ENPP6: variants seen among roughly 807,000 people sequenced by gnomAD.
ENPP6 encodes glycerophosphocholine cholinephosphodiesterase ENPP6.
ENPP6 carries 32 observed loss-of-function variants against 42.0 expected under a neutral mutation model. The ratio of observed to expected loss-of-function variants is 0.76; its 90% CI spans 0.58 to 1.02. The LOEUF (loss-of-function observed/expected upper bound fraction) is 1.02. Among genes scored for constraint, ENPP6 ranks in the 50% least tolerant of loss-of-function variants. ENPP6 has a pLI of 0.00. For synonymous variants in ENPP6, 213 were observed against 216.0 expected, an observed-to-expected ratio of 0.99 and a Z score of 0.12; for missense variants, 552 against 566.8, an observed-to-expected ratio of 0.97 and a Z score of 0.27.
intron 1 of ENPP6, among the ~76,000 whole-genome samples, chr4:184,206,359 G>A (rs907229899): frequency 1.9e-5 from 2 of 106,186 alleles, no homozygotes; most frequent in African/African-American, 3.8e-5. Context: ...CCGGGTTCCC[G>A]CCATTCTCCT....
chr4:184,165,892 T>A (rs1737340989), intron 1 of ENPP6, among the ~76,000 whole-genome samples: 1 of 152,220 alleles, frequency 6.6e-6, no homozygotes, highest in African/African-American at 2.4e-5. Flanking sequence ...AGTCAGATAT[T>A]CCCACTAGTA....
At chr4:184,113,776 G>T (rs1014867141) in intron 5 of ENPP6, among the ~76,000 whole-genome samples, 27 of 152,050 alleles carry the variant, frequency 1.8e-4, no homozygotes, top group African/African-American at 6.3e-4. Context: ...TACATACTTT[G>T]TACATCTGCC....
intron 3 of ENPP6, among the ~76,000 whole-genome samples, chr4:184,120,026 G>T (rs1239227478): frequency 6.6e-6 from 1 of 152,164 alleles, no homozygotes; most frequent in Non-Finnish European, 1.5e-5. Context: ...GGGTAACATG[G>T]TGTATTAAAC....
chr4:184,165,166 C>T (rs911381750), intron 1 of ENPP6, among the ~76,000 whole-genome samples: 2 of 152,144 alleles, frequency 1.3e-5, no homozygotes, highest in Admixed American at 6.5e-5. Context: ...AGGCAGAAAT[C>T]GATTTTCTGG....
At chr4:184,101,339 T>A (rs1293886387) in intron 6 of ENPP6, among the ~76,000 whole-genome samples, 2 of 122,054 alleles carry the variant, frequency 1.6e-5, no homozygotes, top group East Asian at 4.1e-4. Context: ...TGTGTGTGTG[T>A]GTGTGTGTGT....
chr4:184,144,564 A>G (rs1251499613), intron 2 of ENPP6, among the ~76,000 whole-genome samples: 1 of 152,180 alleles, frequency 6.6e-6, no homozygotes, highest in African/African-American at 2.4e-5. Flanking sequence ...AGGAGTCTGG[A>G]GCAGCCAAGG....
intron 2 of ENPP6, among the ~76,000 whole-genome samples, chr4:184,148,584 T>C (rs1489141525): frequency 6.6e-6 from 1 of 152,238 alleles, no homozygotes; most frequent in Non-Finnish European, 1.5e-5. Context: ...ACTCTTGAGA[T>C]GTGAATTTGC....
intron 3 of ENPP6, among the ~76,000 whole-genome samples, chr4:184,120,540 T>C (rs534394426): frequency 1.3e-5 from 2 of 152,332 alleles, no homozygotes; most frequent in East Asian, 1.9e-4. Context: ...ACCAACCCCA[T>C]GAGCCATTCA....
At chr4:184,117,699 A>G in intron 4 of ENPP6, 60 bp downstream of exon 4, 6 of 1,596,516 alleles carry the variant, frequency 3.8e-6, no homozygotes, top group Non-Finnish European at 5.1e-6. Context: ...GTGACTGTGG[A>G]GGAGACAAAC....
chr4:184,190,470 C>G (rs962893319), intron 1 of ENPP6, among the ~76,000 whole-genome samples: 1 of 152,146 alleles, frequency 6.6e-6, no homozygotes, highest in African/African-American at 2.4e-5. Flanking sequence ...TTCATCTGCT[C>G]TAAGACTAAA....
chr4:184,130,586 T>C (rs1736587600), intron 2 of ENPP6, among the ~76,000 whole-genome samples: 1 of 145,620 alleles, frequency 6.9e-6, no homozygotes, highest in Admixed American at 6.8e-5. Context: ...AAAAAAGAGC[T>C]TGGGTTTTAA....
intron 1 of ENPP6, among the ~76,000 whole-genome samples, chr4:184,157,529 T>TTCTC (rs1235838782): frequency 8.6e-5 from 13 of 151,098 alleles, no homozygotes; most frequent in African/African-American, 3.2e-4. Context: ...TTTTCTTTCT[T>TTCTC]TCTCTCTCTC....
intron 1 of ENPP6, among the ~76,000 whole-genome samples, chr4:184,209,021 G>C (rs1190291539): frequency 1.4e-5 from 2 of 144,114 alleles, no homozygotes; most frequent in South Asian, 2.2e-4. Flanking sequence ...CTGCAGCTGA[G>C]GGTCCTGTCT....
chr4:184,186,531 C>G (rs1168432255), intron 1 of ENPP6, among the ~76,000 whole-genome samples: 1 of 152,036 alleles, frequency 6.6e-6, no homozygotes, highest in Non-Finnish European at 1.5e-5. Context: ...AAGGGGCCAG[C>G]AAAGAGAAGT....
intron 1 of ENPP6, among the ~76,000 whole-genome samples, chr4:184,209,017 C>A (rs1485954252): frequency 8.3e-5 from 12 of 143,982 alleles, no homozygotes; most frequent in Admixed American, 4.9e-4. Context: ...AGACCTGCAG[C>A]TGAGGGTCCT....
At chr4:184,167,648 T>A (rs990655750) in intron 1 of ENPP6, among the ~76,000 whole-genome samples, 7 of 152,174 alleles carry the variant, frequency 4.6e-5, no homozygotes, top group African/African-American at 1.7e-4. Context: ...CTAGCTTGGT[T>A]AGTTTTGTTT....
chr4:184,136,070 C>G (rs1736726034), intron 2 of ENPP6, among the ~76,000 whole-genome samples: 1 of 151,874 alleles, frequency 6.6e-6, no homozygotes, highest in African/African-American at 2.4e-5. Context: ...GAATAAAGTA[C>G]ACATTATTAT....
At chr4:184,162,334 A>C (rs915985204) in intron 1 of ENPP6, among the ~76,000 whole-genome samples, 1 of 152,170 alleles carries the variant, frequency 6.6e-6, no homozygotes, top group South Asian at 2.1e-4. Context: ...CTTCAAATGC[A>C]TGACTATTGT....
chr4:184,123,504 G>A (rs1209840392), intron 3 of ENPP6, among the ~76,000 whole-genome samples: 4 of 152,008 alleles, frequency 2.6e-5, no homozygotes, highest in Non-Finnish European at 4.4e-5. Flanking sequence ...GTAACCTCTC[G>A]GTTGCTGATC....
Sources: allele counts gnomAD v4.1 joint callset (sites outside exome capture counted in the v4.1 genomes callset), GRCh38; gene constraint gnomAD v4.1.1; transcripts MANE v1.5; gene names NCBI Gene and HGNC (gene_info 2026-07-23, HGNC 2026-07-21).